Variants in VAV3 observed in about 807,000 individuals in gnomAD.
VAV3 encodes the protein guanine nucleotide exchange factor VAV3.
A neutral mutation model predicts 131.2 loss-of-function variants in VAV3; 94 were observed. The observed-to-expected ratio is 0.72, with a 90% CI of 0.61 to 0.85. The LOEUF is 0.85. Ranked by LOEUF, VAV3 falls within the 40% of genes least tolerant of loss-of-function variation. VAV3 has a pLI of 0.00. For synonymous variants in VAV3, 349 were observed against 342.0 expected (o/e 1.02, Z -0.22); for missense variants, 939 against 1,002.7 (o/e 0.94, Z 0.86).
At chr1:107,655,186 A>C (rs6673104) in intron 19 of VAV3, among the ~76,000 whole-genome samples, 63,225 of 151,942 alleles carry the variant, frequency 0.42, 14,233 homozygotes, top group East Asian at 0.61. Flanking sequence ...GACAAATGGA[A>C]TAAAGCTGGA....
chr1:107,865,724 T>C (rs1434616855), intron 2 of VAV3, among the ~76,000 whole-genome samples: 1 of 151,842 alleles, frequency 6.6e-6, no homozygotes, highest in Non-Finnish European at 1.5e-5. Flanking sequence ...TAGGCAAGAG[T>C]GGACAGGAAA....
chr1:107,766,748 C>T (rs143261596), intron 7 of VAV3, among the ~76,000 whole-genome samples, 198 bp from the exon 8 acceptor site: 9 of 149,658 alleles, frequency 6.0e-5, no homozygotes, highest in Middle Eastern at 3.4e-3. Flanking sequence ...GAGGAAGCAG[C>T]GGGAGAGGAC....
chr1:107,895,032 C>A (rs1671497752), intron 1 of VAV3, among the ~76,000 whole-genome samples: 2 of 152,088 alleles, frequency 1.3e-5, no homozygotes, highest in African/African-American at 2.4e-5. Flanking sequence ...TGTTGCCCAC[C>A]CAAATGCTTA....
chr1:107,816,573 C>T (rs145295125), intron 2 of VAV3, among the ~76,000 whole-genome samples: 198 of 152,310 alleles, frequency 1.3e-3, no homozygotes, highest in African/African-American at 4.4e-3. Flanking sequence ...CACTCCAATG[C>T]TAAATAGGCC....
intron 19 of VAV3, among the ~76,000 whole-genome samples, chr1:107,648,072 A>C (rs1311205891): frequency 6.6e-6 from 1 of 152,070 alleles, no homozygotes; most frequent in Non-Finnish European, 1.5e-5. Flanking sequence ...ATTTGGTGGA[A>C]AACAAACTGG....
intron 21 of VAV3, among the ~76,000 whole-genome samples, chr1:107,615,838 A>C (rs1227778284): frequency 6.6e-6 from 1 of 152,136 alleles, no homozygotes; most frequent in Non-Finnish European, 1.5e-5. Context: ...GGCCAAAAAA[A>C]ATTTGAAAAA....
In VAV3 at chr1:107,740,507, T is replaced by TA. The variant is rs1417097687; in HGVS notation, c.1502+8460dup. Reference sequence around the variant, plus strand: ...GTAAAATAATAATGACAAATATAGATAATTCATCCAGGTTTATAGTTTTTT... The same window carrying TA: ...GTAAAATAATAATGACAAATATAGATAAATTCATCCAGGTTTATAGTTTTTT... On this transcript the variant is annotated intron_variant, in intron 15 of 26. Coordinates refer to ENST00000370056, the MANE Select transcript of VAV3 (RefSeq NM_006113.5). 5.9e-5 allele frequency among the ~76,000 whole-genome samples: 9 copies of TA among 152,256 alleles called. No homozygotes were observed. In the East Asian group the frequency reaches 1.5e-3, roughly 26 times the overall value.
chr1:107,957,881 T>TA (rs11413288), intron 1 of VAV3, among the ~76,000 whole-genome samples: 10,426 of 142,082 alleles, frequency 0.073, 501 homozygotes, highest in African/African-American at 0.15. Context: ...TTCTCCATCT[T>TA]AAAAAAAAAA....
intron 15 of VAV3, among the ~76,000 whole-genome samples, chr1:107,744,898 C>T (rs933363498): frequency 1.3e-5 from 2 of 152,180 alleles, no homozygotes; most frequent in Non-Finnish European, 2.9e-5. Flanking sequence ...GATACAGCAT[C>T]AAACTTGTAC....
At position 107,772,813 on chromosome 1, in the gene VAV3, G is replaced by A; in HGVS notation, c.477C>T (p.Leu159=). ...DETLVEDEED[L]YDCVYGEDEG... ...CATCTTCCCCATAAACACAGTCATA[G>A]AGATCTTCTTCATCTTCCACAAGGG... Residue 159 remains leucine (L), a synonymous_variant, in exon 5 of 27, where the codon CTC becomes CTT. Coordinates refer to ENST00000370056, the MANE Select transcript of VAV3 (RefSeq NM_006113.5). 1 of 1,613,700 alleles carries A rather than the reference G, an allele frequency of 6.2e-7. No homozygotes were observed. Among genetic ancestry groups the A allele is most frequent in the Non-Finnish European group, 8.5e-7 (1 of 1,179,860 alleles).
chr1:107,827,626 CAAT>C (rs1668072098), intron 2 of VAV3, among the ~76,000 whole-genome samples: 1 of 152,110 alleles, frequency 6.6e-6, no homozygotes, highest in Admixed American at 6.6e-5. Context: ...GAATCCTTTC[CAAT>C]AATGTTCCAG....
chr1:107,803,515 A>G (rs974388949), intron 2 of VAV3, among the ~76,000 whole-genome samples: 1 of 152,026 alleles, frequency 6.6e-6, no homozygotes, highest in African/African-American at 2.4e-5. Flanking sequence ...CCCTTTGGTC[A>G]TTTAGGAGCA....
At chr1:107,837,684 A>T (rs1668535219) in intron 2 of VAV3, among the ~76,000 whole-genome samples, 1 of 152,224 alleles carries the variant, frequency 6.6e-6, no homozygotes, top group Non-Finnish European at 1.5e-5. Context: ...TGATACAAAA[A>T]GTGACACATA....
At chr1:107,589,441 G>A (rs1177890259) in intron 25 of VAV3, among the ~76,000 whole-genome samples, 1 of 152,172 alleles carries the variant, frequency 6.6e-6, no homozygotes, top group East Asian at 1.9e-4. Context: ...CCATGCCAAG[G>A]ATTGCCAGTA....
chr1:107,714,422 T>C (rs1660969637), intron 15 of VAV3, among the ~76,000 whole-genome samples: 1 of 152,120 alleles, frequency 6.6e-6, no homozygotes. Flanking sequence ...ATAAAACTGA[T>C]CCTTTTATAC....
chr1:107,866,822 C>CAAAAAAAAAAAAAAAAAA (rs66866060), intron 2 of VAV3, among the ~76,000 whole-genome samples: 3 of 59,202 alleles, frequency 5.1e-5, no homozygotes, highest in African/African-American at 2.5e-4. Flanking sequence ...GACTCCATCT[C>CAAAAAAAAAAAAAAAAAA]AAAAAAAAAA....
In VAV3 at chr1:107,573,907, C is replaced by T. The variant is rs903214698; in HGVS notation, c.2502+140G>A. The T allele has an allele frequency of 3.7e-6, 4 of 1,087,748 alleles. No homozygotes were observed. In the African/African-American group the frequency reaches 4.8e-5, roughly 13 times the overall value. 67.4% of individuals were successfully genotyped at this position (1,087,748 alleles called of 1,614,324 possible). On this transcript the variant is annotated intron_variant, in intron 26 of 26. Coordinates refer to ENST00000370056, the MANE Select transcript of VAV3 (RefSeq NM_006113.5). The stretch of plus-strand genomic sequence containing the variant: ...TCCCTGGTATCAGCAAAACACAGCA[C>T]CAGTTTCCAGAGGGCAGAGGCCTGT...
chr1:107,596,860 A>G (rs1050743125), intron 24 of VAV3, among the ~76,000 whole-genome samples: 1 of 152,228 alleles, frequency 6.6e-6, no homozygotes, highest in Non-Finnish European at 1.5e-5. Flanking sequence ...TTTCTGATGA[A>G]GTATAGTACC....
At chr1:107,586,493 G>C (rs1650507474) in intron 25 of VAV3, among the ~76,000 whole-genome samples, 1 of 152,138 alleles carries the variant, frequency 6.6e-6, no homozygotes. Context: ...AGAAAGGGAA[G>C]GGTGGAAATT....
Sources: allele counts gnomAD v4.1 joint callset (sites outside exome capture counted in the v4.1 genomes callset), GRCh38; gene constraint gnomAD v4.1.1; transcripts MANE v1.5; gene names NCBI Gene and HGNC (gene_info 2026-07-23, HGNC 2026-07-21).